Variants in ARL8B observed in about 807,000 individuals in gnomAD.
The protein encoded by ARL8B is ARF like GTPase 8B.
Under a neutral mutation model 30.6 loss-of-function variants are expected in ARL8B, and 9 were observed. The ratio of observed to expected loss-of-function variants is 0.29; its 90% confidence interval spans 0.18 to 0.51. The LOEUF is 0.51. ARL8B is among the 20% of genes least tolerant of loss of function. The pLI is 0.97. For synonymous variants in ARL8B, 74 were observed against 76.0 expected (o/e 0.97, Z 0.14); for missense variants, 130 against 227.2 (o/e 0.57, Z 2.75).
intron 1 of ARL8B, among the ~76,000 whole-genome samples, chr3:5,128,111 C>T (rs1362450003): frequency 1.5e-5 from 2 of 134,814 alleles, no homozygotes; most frequent in East Asian, 2.1e-4. Flanking sequence ...TGCGTTGAGC[C>T]GAAATTGAGC....
chr3:5,172,016 C>A, intron 2 of ARL8B, 134 bp from the exon 3 acceptor site: 1 of 758,100 alleles, frequency 1.3e-6, no homozygotes, highest in Non-Finnish European at 2.1e-6. Flanking sequence ...GAGGTCAAGT[C>A]TTTCAGGAGC....
chr3:5,154,652 G>A (rs151096833), intron 1 of ARL8B, among the ~76,000 whole-genome samples: 22 of 152,290 alleles, frequency 1.4e-4, no homozygotes, highest in Admixed American at 9.8e-4. Flanking sequence ...TTGTAGAACT[G>A]AAACTCTGTA....
Position 5,122,382 on chromosome 3 carries a change from T to A in ARL8B, c.-84T>A, listed in dbSNP as rs765959042. On this transcript the variant is annotated 5_prime_UTR_variant, in exon 1 of 7. Transcript: ENST00000256496. ...GGGGCACCAAGGAGCCGTTGGAGGG[T>A]CCGGGCGGAGGCCCGCTCGTGTGGA... The A allele has an allele frequency of 4.4e-6, 7 of 1,591,022 alleles. No homozygotes were observed. The highest frequency in any genetic ancestry group is 6.0e-6 in the Non-Finnish European group (7 of 1,170,384).
At position 5,172,170 on chromosome 3, in the gene ARL8B, A is replaced by G. The variant is rs2106571793; in HGVS notation, c.225A>G (p.Gln75=). 1 of 1,613,716 alleles carries G rather than the reference A, an allele frequency of 6.2e-7. No homozygotes were observed. Among genetic ancestry groups the G allele is most frequent in the South Asian group, 1.1e-5 (1 of 91,012 alleles). Residue 75 remains glutamine, a synonymous_variant, in exon 3 of 7, where the codon CAA becomes CAG. Transcript: ENST00000256496. ...TAAAGATCTGGGACATAGGAGGACA[A>G]CCCCGATTTCGAAGCATGTGGGAGC... ...VTIKIWDIGG[Q]PRFRSMWERY...
chr3:5,135,664 G>A (rs1057300072), intron 1 of ARL8B, among the ~76,000 whole-genome samples: 12 of 151,750 alleles, frequency 7.9e-5, no homozygotes, highest in African/African-American at 2.7e-4. Context: ...TCACCATATT[G>A]TCCAGGCTGG....
intron 1 of ARL8B, among the ~76,000 whole-genome samples, chr3:5,127,513 G>A (rs569983868): frequency 6.6e-6 from 1 of 152,188 alleles, no homozygotes; most frequent in Non-Finnish European, 1.5e-5. Context: ...AACATTTGAG[G>A]ACTATATATT....
rs191075053 is a variant in ARL8B, at chr3:5,160,686, T to C, written c.124-9817T>C. ...CTATGCCATTACGCTTTATAAAAAG[T>C]TATCTAGATGTGATATGACCAGTTG... is the stretch of plus-strand genomic sequence containing the variant. On this transcript the variant is annotated intron_variant, in intron 1 of 6. Transcript: ENST00000256496. Among the ~76,000 whole-genome samples, 472 of 152,316 alleles carry C rather than the reference T, an allele frequency of 3.1e-3. 3 individuals are homozygous for C. Among genetic ancestry groups the C allele is most frequent in the African/African-American group, 0.011 (459 of 41,568 alleles).
chr3:5,134,571 G>A (rs1286593504), intron 1 of ARL8B, among the ~76,000 whole-genome samples: 1 of 152,204 alleles, frequency 6.6e-6, no homozygotes, highest in Non-Finnish European at 1.5e-5. Context: ...TGACATTTAA[G>A]TTGGGATTTT....
At chr3:5,131,411 G>C (rs1364693742) in intron 1 of ARL8B, among the ~76,000 whole-genome samples, 5 of 148,284 alleles carry the variant, frequency 3.4e-5, no homozygotes, top group African/African-American at 1.2e-4. Flanking sequence ...TTTTTTTTGA[G>C]ACAGAGTCTC....
At chr3:5,162,914 C>A (rs2054594279) in intron 1 of ARL8B, among the ~76,000 whole-genome samples, 1 of 152,000 alleles carries the variant, frequency 6.6e-6, no homozygotes, top group Non-Finnish European at 1.5e-5. Context: ...CTTACTCTCT[C>A]CCCACTTTTT....
At chr3:5,128,712 C>A in intron 1 of ARL8B, 1 of 203,832 alleles carries the variant, frequency 4.9e-6, no homozygotes, top group Non-Finnish European at 1.0e-5. Flanking sequence ...GGCTCATTAG[C>A]GGAGATGTGA....
Position 5,179,779 on chromosome 3 carries a change from C to A in ARL8B, c.*1066C>A, listed in dbSNP as rs916129948. The stretch of plus-strand genomic sequence containing the variant: ...CACTCTTTTGACTGGTGCCATTAGA[C>A]ATCTTGATTATTGTGACAACTCTAG... On this transcript the variant is annotated 3_prime_UTR_variant, in exon 7 of 7. Coordinates refer to ENST00000256496, the MANE Select transcript of ARL8B (RefSeq NM_018184.3). The A allele has an allele frequency of 6.6e-6, 1 of 152,474 alleles. No individual in the cohort carries two copies. The highest frequency in any genetic ancestry group is 1.5e-5 in the Non-Finnish European group (1 of 68,020). The allele number at this position is 152,474 out of a possible 1,614,324, so 9.4% of individuals were successfully genotyped here.
Position 5,172,960 on chromosome 3 carries a change from C to T in ARL8B, c.372+220C>T, listed in dbSNP as rs534862709. Among the ~76,000 whole-genome samples, 232 of 152,284 alleles carry T rather than the reference C, an allele frequency of 1.5e-3. 1 individual carries two copies. The highest frequency in any genetic ancestry group is 2.8e-3 in the Non-Finnish European group (191 of 68,034). ...AAACTACTATGCAGCAGGAGCAGTG[C>T]GTAGGCCCAGGGATATAGTGATGAA... is the stretch of plus-strand genomic sequence containing the variant. On this transcript the variant is annotated intron_variant, in intron 4 of 6. Transcript: ENST00000256496.
intron 1 of ARL8B, chr3:5,157,146 C>T (rs1039395225): frequency 1.3e-5 from 2 of 152,204 alleles, no homozygotes; most frequent in Non-Finnish European, 2.9e-5. Context: ...TTTTCAAAGC[C>T]TTGCTGGTGC....
rs563116319 is a variant in ARL8B, at chr3:5,167,787, A to G, written c.124-2716A>G. Among the ~76,000 whole-genome samples the G allele has an allele frequency of 1.4e-3, 215 of 152,332 alleles. 1 individual carries two copies. Among genetic ancestry groups the G allele is most frequent in the Non-Finnish European group, 2.3e-3 (157 of 68,034 alleles). ...GTAGAATGATATACTACTAAGTAGT[A>G]TTTTCTAAACATCTGTTTCCCAAAC... On this transcript the variant is annotated intron_variant, in intron 1 of 6. Coordinates refer to ENST00000256496, the MANE Select transcript of ARL8B (RefSeq NM_018184.3).
intron 1 of ARL8B, among the ~76,000 whole-genome samples, chr3:5,136,260 T>A (rs969049953): frequency 6.6e-6 from 1 of 152,232 alleles, no homozygotes; most frequent in African/African-American, 2.4e-5. Flanking sequence ...ATTATTCTTT[T>A]GGCCCTCTTG....
intron 6 of ARL8B, among the ~76,000 whole-genome samples, chr3:5,177,069 A>C (rs1436504477): frequency 1.3e-5 from 2 of 151,846 alleles, no homozygotes; most frequent in Non-Finnish European, 2.9e-5. Flanking sequence ...TAAATCCATT[A>C]CTCCCTACAT....
At position 5,172,565 on chromosome 3, in the gene ARL8B, C is replaced by A. The variant is rs1232770957; in HGVS notation, c.279-82C>A. On this transcript the variant is annotated intron_variant, in intron 3 of 6. Transcript: ENST00000256496. ...AATAATTTCAATAATGTAAATCTTA[C>A]AAAAATTAAAAATCAATAATACTAG... 4.1e-6 allele frequency: 4 copies of A among 973,616 alleles called. No homozygotes were observed. In the African/African-American group the frequency reaches 6.6e-5, roughly 16 times the overall value. The allele number at this position is 973,616 out of a possible 1,614,324, so 60.3% of individuals were successfully genotyped here.
At position 5,172,160 on chromosome 3, in the gene ARL8B, T is replaced by C. The variant is rs1256074087; in HGVS notation, c.215T>C (p.Ile72Thr). The C allele has an allele frequency of 6.2e-7, 1 of 1,613,632 alleles. No individual in the cohort carries two copies. The highest frequency in any genetic ancestry group is 1.3e-5 in the African/African-American group (1 of 75,056). Residue 72 changes from isoleucine to threonine, a missense_variant, in exon 3 of 7, where the codon ATA (isoleucine) becomes ACA (threonine). Ile to Thr is a moderately conservative substitution (Grantham distance 89). Transcript: ENST00000256496. ...TGTTTTGATTTAAAGATCTGGGACATAGGAGGACAACCCCGATTTCGAAGC... is the reference window on the plus strand; with the variant it reads ...TGTTTTGATTTAAAGATCTGGGACACAGGAGGACAACCCCGATTTCGAAGC... ...KGNVTIKIWD[I>T]GGQPRFRSMW...
Sources: gnomAD v4.1 joint callset for allele counts (sites outside exome capture counted in the v4.1 genomes callset) on GRCh38, gnomAD v4.1.1 for gene constraint, MANE v1.5 for transcripts, NCBI Gene and HGNC (gene_info 2026-07-23, HGNC 2026-07-21) for gene names.